Variants in GRM3 observed in about 807,000 individuals in gnomAD.
GRM3 encodes the protein glutamate metabotropic receptor 3, also known as metabotropic glutamate receptor 3.
A neutral mutation model predicts 70.5 loss-of-function variants in GRM3; 26 were observed. The ratio of observed to expected loss-of-function variants is 0.37; its 90% CI spans 0.27 to 0.51. The LOEUF is 0.51. GRM3 is among the 20% of genes least tolerant of loss of function. The pLI is 0.93. For synonymous variants in GRM3, 443 were observed against 434.9 expected (o/e 1.02, Z -0.23); for missense variants, 859 against 1,123.8 (o/e 0.76, Z 3.37).
At chr7:86,761,987 C>A (rs988865111) in intron 1 of GRM3, among the ~76,000 whole-genome samples, 1 of 152,138 alleles carries the variant, frequency 6.6e-6, no homozygotes, top group African/African-American at 2.4e-5. Context: ...ACACTTTTTG[C>A]AAAGACACAT....
chr7:86,741,447 T>C (rs1024462080), intron 1 of GRM3, among the ~76,000 whole-genome samples: 6 of 152,214 alleles, frequency 3.9e-5, no homozygotes, highest in African/African-American at 9.6e-5. Context: ...AAATGGGCTA[T>C]AGAGTTAGCT....
At position 86,786,704 on chromosome 7, in the gene GRM3, C is replaced by T. The variant is rs1167480153; in HGVS notation, c.912C>T (p.Gly304=). The T allele has an allele frequency of 7.4e-6, 12 of 1,612,370 alleles. No individual in the cohort carries two copies. The highest frequency in any genetic ancestry group is 1.6e-4 in the Middle Eastern group (1 of 6,084). The part of the protein sequence containing the change: ...SFTWVASDGW[G]AQESIIKGSE... ...CCTGGGTGGCCAGCGACGGCTGGGG[C>T]GCGCAGGAGAGCATCATCAAGGGCA... Residue 304 remains glycine, a synonymous_variant, in exon 3 of 6, where the codon GGC becomes GGT. Coordinates refer to ENST00000361669, the MANE Select transcript of GRM3 (RefSeq NM_000840.3). The surrounding 1 kb of genome is among the most constrained non-coding windows in gnomAD (Gnocchi z 6.0).
intron 1 of GRM3, among the ~76,000 whole-genome samples, chr7:86,736,372 T>C (rs1357763937): frequency 6.6e-6 from 1 of 152,238 alleles, no homozygotes; most frequent in African/African-American, 2.4e-5. Context: ...ATGTGATTAA[T>C]GTAGCTGCCA....
chr7:86,695,134 C>G (rs1237826092), intron 1 of GRM3, among the ~76,000 whole-genome samples: 1 of 152,070 alleles, frequency 6.6e-6, no homozygotes, highest in Admixed American at 6.6e-5. Flanking sequence ...TTATTTATCC[C>G]TTTCTTTCTC....
At chr7:86,681,832 T>C (rs948648422) in intron 1 of GRM3, among the ~76,000 whole-genome samples, 1 of 152,142 alleles carries the variant, frequency 6.6e-6, no homozygotes, top group Non-Finnish European at 1.5e-5. Flanking sequence ...AAAGAAATAA[T>C]AACCCACTTA....
At chr7:86,667,285 C>G (rs1396104955) in intron 1 of GRM3, among the ~76,000 whole-genome samples, 1 of 151,940 alleles carries the variant, frequency 6.6e-6, no homozygotes, top group Non-Finnish European at 1.5e-5. Flanking sequence ...TCAACCAGGT[C>G]CCTAAAGCAG....
At chr7:86,757,021 C>A (rs1299797832) in intron 1 of GRM3, among the ~76,000 whole-genome samples, 1 of 152,062 alleles carries the variant, frequency 6.6e-6, no homozygotes, top group Non-Finnish European at 1.5e-5. Context: ...GTTCTAGAAT[C>A]TCCATATAGT....
At chr7:86,655,852 G>GT (rs11379748) in intron 1 of GRM3, among the ~76,000 whole-genome samples, 41,496 of 133,194 alleles carry the variant, frequency 0.31, 6,895 homozygotes, top group East Asian at 0.66. Flanking sequence ...GTGTGTGTGT[G>GT]GGTGGGTGGG....
intron 3 of GRM3, among the ~76,000 whole-genome samples, chr7:86,817,099 T>G (rs1286869612): frequency 1.3e-5 from 2 of 151,970 alleles, no homozygotes; most frequent in African/African-American, 4.8e-5. Flanking sequence ...TTTGGGAATA[T>G]GGGCAGAGCT....
chr7:86,786,658 G>A lies in GRM3; in HGVS notation c.866G>A (p.Ser289Asn). Residue 289 changes from serine (S) to asparagine (N), a missense_variant, in exon 3 of 6, where the codon AGC becomes AAC. Coordinates refer to ENST00000361669, the MANE Select transcript of GRM3 (RefSeq NM_000840.3). The surrounding 1 kb of genome is among the most constrained non-coding windows in gnomAD (Gnocchi z 6.0). ...DDSRELIAAA[S>N]RANASFTWVA... ...TCGCGGGAGCTCATTGCAGCCGCCA[G>A]CCGCGCCAATGCCTCCTTCACCTGG... The A allele has an allele frequency of 1.2e-6, 2 of 1,611,932 alleles. No homozygotes were observed. The highest frequency in any genetic ancestry group is 1.7e-6 in the Non-Finnish European group (2 of 1,179,844).
rs369878397 is a variant in GRM3, at chr7:86,824,501, G to A, written c.1325-14338G>A. Among the ~76,000 whole-genome samples the A allele has an allele frequency of 2.0e-5, 3 of 152,250 alleles. No individual in the cohort carries two copies. The South Asian group carries it at 6.2e-4, about 32-fold the overall frequency. The stretch of plus-strand genomic sequence containing the variant: ...AGGGGGGTAACATATACAGTATGTA[G>A]TACTTGGATGAGAATTTGTTTTGCT... On this transcript the variant is annotated intron_variant, in intron 3 of 5. Transcript: ENST00000361669.
At chr7:86,790,909 T>C (rs1797396311) in intron 3 of GRM3, among the ~76,000 whole-genome samples, 1 of 152,106 alleles carries the variant, frequency 6.6e-6, no homozygotes, top group Admixed American at 6.6e-5. Context: ...TACCCTGCTC[T>C]ACCTTTTGTT....
chr7:86,732,557 A>C (rs1428334203), intron 1 of GRM3, among the ~76,000 whole-genome samples: 1 of 152,234 alleles, frequency 6.6e-6, no homozygotes, highest in Non-Finnish European at 1.5e-5. Context: ...AATAACAGCT[A>C]ATATTTTTGA....
intron 3 of GRM3, among the ~76,000 whole-genome samples, chr7:86,805,576 C>T (rs536525996): frequency 1.1e-3 from 170 of 152,202 alleles, no homozygotes; most frequent in Non-Finnish European, 1.7e-3. Flanking sequence ...CTCCCCTGTG[C>T]TCCACCTATT....
At chr7:86,802,016 A>AT (rs1248957637) in intron 3 of GRM3, among the ~76,000 whole-genome samples, 1 of 151,510 alleles carries the variant, frequency 6.6e-6, no homozygotes, top group African/African-American at 2.4e-5. Context: ...AACCAATTAA[A>AT]TTTTAATCTG....
At chr7:86,716,641 A>G (rs1318836630) in intron 1 of GRM3, among the ~76,000 whole-genome samples, 2 of 151,382 alleles carry the variant, frequency 1.3e-5, no homozygotes, top group African/African-American at 2.4e-5. Context: ...GAAGGGAAAC[A>G]CCAAGTGCAA....
intron 1 of GRM3, among the ~76,000 whole-genome samples, chr7:86,706,983 C>T (rs927477771): frequency 6.6e-6 from 1 of 151,984 alleles, no homozygotes; most frequent in Non-Finnish European, 1.5e-5. Context: ...TCGAACATAT[C>T]TCTGCTGCTT....
At chr7:86,843,514 C>G (rs1225150209) in intron 4 of GRM3, among the ~76,000 whole-genome samples, 1 of 152,222 alleles carries the variant, frequency 6.6e-6, no homozygotes, top group East Asian at 1.9e-4. Context: ...TGCTGTATCA[C>G]AACTAACCAT....
At chr7:86,860,724 C>A (rs940798438) in intron 5 of GRM3, among the ~76,000 whole-genome samples, 1 of 152,154 alleles carries the variant, frequency 6.6e-6, no homozygotes, top group African/African-American at 2.4e-5. Flanking sequence ...TAGTAGATGA[C>A]TATTTTATAC....
Sources: gnomAD v4.1 joint callset for allele counts (sites outside exome capture counted in the v4.1 genomes callset) on GRCh38, gnomAD v4.1.1 for gene constraint, Gnocchi (gnomAD v3.1) non-coding constraint, MANE v1.5 for transcripts, NCBI Gene and HGNC (gene_info 2026-07-23, HGNC 2026-07-21) for gene names.